Variants in PTPN13 observed in about 807,000 individuals in gnomAD.
PTPN13 encodes tyrosine-protein phosphatase non-receptor type 13.
A neutral mutation model predicts 284.0 loss-of-function variants in PTPN13; 191 were observed. That is an observed-to-expected ratio of 0.67 (90% CI 0.60 to 0.76). PTPN13 has a LOEUF of 0.76. Among genes scored for constraint, PTPN13 ranks in the 30% least tolerant of loss-of-function variants. The pLI is 0.00. For missense variants in PTPN13, 2,797 were observed against 2,939.9 expected, an observed-to-expected ratio of 0.95 and a Z score of 1.12; for synonymous variants, 986 against 1,022.3, an observed-to-expected ratio of 0.96 and a Z score of 0.68.
Position 86,811,155 on chromosome 4 carries a change from A to C in PTPN13, c.7362+47A>C. ...TAATGAGAATTTTTGTAAAGATTCT[A>C]ATATTTTTTAAGGTTCTTATTAAAC... On this transcript the variant is annotated intron_variant, in intron 47 of 47. Transcript: ENST00000411767. 4 of 1,539,178 alleles carry C rather than the reference A, an allele frequency of 2.6e-6. No individual in the cohort carries two copies. In the South Asian group the frequency reaches 4.7e-5, roughly 18 times the overall value.
At chr4:86,811,218 A>C (rs1031799345) in intron 47 of PTPN13, 110 bp downstream of exon 47, 6 of 1,062,808 alleles carry the variant, frequency 5.6e-6, no homozygotes, top group Non-Finnish European at 7.8e-6. Context: ...TTAGAGCATA[A>C]AACCAAACAT....
chr4:86,753,795 C>T (rs1737676076), intron 20 of PTPN13, among the ~76,000 whole-genome samples: 1 of 151,974 alleles, frequency 6.6e-6, no homozygotes, highest in South Asian at 2.1e-4. Context: ...TTATTACTAT[C>T]CATACACTAC....
Position 86,687,442 on chromosome 4 carries a change from C to G in PTPN13, c.360+667C>G, listed in dbSNP as rs550015036. On this transcript the variant is annotated intron_variant, in intron 4 of 47. Transcript: ENST00000411767. ...AAATTTAAAAATAGCTATATTTCAT[C>G]AAGGCAAGATATAACATATAGAATT... 2.5e-4 allele frequency among the ~76,000 whole-genome samples: 38 copies of G among 152,198 alleles called. No homozygotes were observed. The South Asian group carries it at 6.0e-3, about 24-fold the overall frequency.
chr4:86,700,216 C>T (rs547193428), intron 6 of PTPN13, among the ~76,000 whole-genome samples: 11 of 152,162 alleles, frequency 7.2e-5, no homozygotes, highest in African/African-American at 2.4e-4. Context: ...AATAAATTAA[C>T]AAGCAATTTA....
chr4:86,656,385 G>A (rs1725811702), intron 2 of PTPN13, among the ~76,000 whole-genome samples: 1 of 152,140 alleles, frequency 6.6e-6, no homozygotes, highest in Non-Finnish European at 1.5e-5. Flanking sequence ...ATCTACCTTT[G>A]GTCTTTGATG....
In PTPN13 at chr4:86,764,268, A is replaced by G. The variant is rs534320203; in HGVS notation, c.4018-325A>G. Among the ~76,000 whole-genome samples, 23 of 152,300 alleles carry G rather than the reference A, an allele frequency of 1.5e-4. No homozygotes were observed. In the South Asian group the frequency reaches 2.3e-3, roughly 15 times the overall value. ...TGAACTGGGTTCTATATAGGTTTCC[A>G]TCTGCCATATCTAGCAGTTTGACCT... is the stretch of plus-strand genomic sequence containing the variant. On this transcript the variant is annotated intron_variant, in intron 24 of 47. Coordinates refer to ENST00000411767, the MANE Select transcript of PTPN13 (RefSeq NM_080683.3).
intron 23 of PTPN13, among the ~76,000 whole-genome samples, chr4:86,760,942 G>A (rs758759089): frequency 6.6e-6 from 1 of 151,644 alleles, no homozygotes; most frequent in African/African-American, 2.4e-5. Flanking sequence ...AAAGAGGAAG[G>A]CTTTTAGTTT....
At chr4:86,602,411 C>A (rs572312069) in intron 1 of PTPN13, among the ~76,000 whole-genome samples, 1 of 152,112 alleles carries the variant, frequency 6.6e-6, no homozygotes, top group Admixed American at 6.5e-5. Context: ...TAGAATAGTG[C>A]TTAATACATA....
chr4:86,766,560 G>A lies in PTPN13; in HGVS notation c.4329+43G>A. The A allele has an allele frequency of 2.2e-6, 3 of 1,366,152 alleles. 1 individual carries two copies. The highest frequency in any genetic ancestry group is 2.7e-5 in the South Asian group (2 of 73,992). The allele number at this position is 1,366,152 out of a possible 1,614,324, so 84.6% of individuals were successfully genotyped here. A position where few individuals can be genotyped will look rare whatever the true frequency, so the allele number is the denominator to read the frequency against. ...CAACCTTTTACAGTACCTTAGAAGA[G>A]CAAAACAATGTGTGAATAACATCAG... is the stretch of plus-strand genomic sequence containing the variant. On this transcript the variant is annotated intron_variant, in intron 27 of 47. Coordinates refer to ENST00000411767, the MANE Select transcript of PTPN13 (RefSeq NM_080683.3).
chr4:86,671,510 G>A (rs943944444), intron 2 of PTPN13, among the ~76,000 whole-genome samples: 5 of 151,986 alleles, frequency 3.3e-5, no homozygotes, highest in Non-Finnish European at 5.9e-5. Context: ...ATTCTAATCA[G>A]TCTGTTTTGT....
At chr4:86,762,656 A>G (rs757708709) in intron 23 of PTPN13, 71 bp from the exon 24 acceptor site, 19 of 1,164,032 alleles carry the variant, frequency 1.6e-5, no homozygotes, top group Non-Finnish European at 2.2e-5. Flanking sequence ...AATCTTCAAG[A>G]AACATTGTGT....
At chr4:86,747,966 A>G (rs2149196562) in intron 17 of PTPN13, among the ~76,000 whole-genome samples, 1 of 152,332 alleles carries the variant, frequency 6.6e-6, no homozygotes, top group African/African-American at 2.4e-5. Context: ...ACAGGTTCAG[A>G]GAAGATAGTG....
intron 41 of PTPN13, 38 bp from the exon 42 acceptor site, chr4:86,799,063 A>G: frequency 7.8e-7 from 1 of 1,281,674 alleles, no homozygotes; most frequent in Non-Finnish European, 1.1e-6. Context: ...TGAGTACAAA[A>G]ATGAAGAAAA....
At chr4:86,703,347 A>G (rs1446946189) in intron 7 of PTPN13, among the ~76,000 whole-genome samples, 1 of 152,106 alleles carries the variant, frequency 6.6e-6, no homozygotes, top group East Asian at 1.9e-4. Context: ...TATGTTGTAC[A>G]ACAGCTAGTA....
chr4:86,628,129 A>C (rs930363787), intron 1 of PTPN13, among the ~76,000 whole-genome samples: 1 of 152,126 alleles, frequency 6.6e-6, no homozygotes. Flanking sequence ...TTTTTAAGAA[A>C]CTATATTAAC....
Position 86,741,791 on chromosome 4 carries a change from G to A in PTPN13, c.2462G>A (p.Arg821Lys), listed in dbSNP as rs759604738. The A allele has an allele frequency of 1.9e-5, 30 of 1,605,872 alleles. No individual in the cohort carries two copies. Among genetic ancestry groups the A allele is most frequent in the Middle Eastern group, 1.6e-4 (1 of 6,062 alleles). The stretch of plus-strand genomic sequence containing the variant: ...ACATTGGTCCTTCGCTTTCCATGGA[G>A]GGAAACCAAGAAAATATCTTTTTCT... ...VRTLVLRFPW[R>K]ETKKISFSKK... The change falls in exon 16 of 48, where the codon AGG becomes AAG. Residue 821 changes from arginine to lysine, a missense_variant. Arg to Lys is a conservative substitution (Grantham distance 26). Coordinates refer to ENST00000411767, the MANE Select transcript of PTPN13 (RefSeq NM_080683.3).
At chr4:86,764,461 TC>T (rs1739052212) in intron 24 of PTPN13, 131 bp from the exon 25 acceptor site, 1 of 659,100 alleles carries the variant, frequency 1.5e-6, no homozygotes, top group African/African-American at 1.9e-5. Context: ...TATTTGTCTT[TC>T]AGTAATAATT....
intron 2 of PTPN13, among the ~76,000 whole-genome samples, chr4:86,665,138 A>G (rs1353223401): frequency 6.6e-6 from 1 of 152,186 alleles, no homozygotes; most frequent in Non-Finnish European, 1.5e-5. Context: ...AAACACAACT[A>G]CTGGAAGCCT....
intron 20 of PTPN13, among the ~76,000 whole-genome samples, chr4:86,756,410 G>A (rs1331343997): frequency 6.6e-6 from 1 of 151,902 alleles, no homozygotes; most frequent in African/African-American, 2.4e-5. Flanking sequence ...ATAATGGATG[G>A]GCTTTTGCTT....
Sources: allele counts gnomAD v4.1 joint callset (sites outside exome capture counted in the v4.1 genomes callset), GRCh38; gene constraint gnomAD v4.1.1; transcripts MANE v1.5; gene names NCBI Gene and HGNC (gene_info 2026-07-23, HGNC 2026-07-21).